The following VDR variants were observed in gnomAD, a reference collection of about 807,000 sequenced individuals.
VDR encodes vitamin D3 receptor.
A neutral mutation model predicts 39.7 loss-of-function variants in VDR; 19 were observed. The ratio of observed to expected loss-of-function variants is 0.48; its 90% CI spans 0.33 to 0.70. The LOEUF is 0.70. Among genes scored for constraint, VDR ranks in the 30% least tolerant of loss-of-function variants. VDR has a pLI of 0.02. For synonymous variants in VDR, 242 were observed against 215.8 expected, an observed-to-expected ratio of 1.12 and a Z score of -1.07; for missense variants, 442 against 570.5, an observed-to-expected ratio of 0.77 and a Z score of 2.29.
intron 2 of VDR, among the ~76,000 whole-genome samples, chr12:47,879,758 AT>A (rs1484307723): frequency 3.3e-5 from 5 of 151,886 alleles, no homozygotes; most frequent in East Asian, 1.9e-4. Context: ...ATTTCAAGAT[AT>A]TTCCCCCCCC....
At chr12:47,860,238 T>C (rs566528265) in intron 4 of VDR, among the ~76,000 whole-genome samples, 15 of 152,266 alleles carry the variant, frequency 9.9e-5, no homozygotes, top group African/African-American at 3.4e-4. Context: ...AGTGCTGGGA[T>C]TACAGGCGTG....
intron 1 of VDR, among the ~76,000 whole-genome samples, chr12:47,890,565 G>C (rs937059665): frequency 2.6e-5 from 4 of 152,138 alleles, no homozygotes; most frequent in Admixed American, 2.6e-4. Flanking sequence ...GCAGAGGACT[G>C]GCTCCTGGGG....
intron 3 of VDR, among the ~76,000 whole-genome samples, chr12:47,869,985 G>A (rs1233373636): frequency 2.0e-5 from 3 of 152,166 alleles, no homozygotes; most frequent in Non-Finnish European, 4.4e-5. Flanking sequence ...TATGAAGCCC[G>A]AGAACACTGA....
Position 47,844,351 on chromosome 12 carries a change from AGTGGGGGG to A in VDR, c.*387_*394del. ...TAGGCGCTGGACAAGCGGGGCCTGCAGTGGGGGGAGGTGCAGGTGTCTCTGTCCCTGAG... is the reference window on the plus strand; with the variant it reads ...TAGGCGCTGGACAAGCGGGGCCTGCAAGGTGCAGGTGTCTCTGTCCCTGAG... On this transcript the variant is annotated 3_prime_UTR_variant, in exon 10 of 10. Transcript: ENST00000549336. 2.9e-6 allele frequency: 1 copy of A among 349,346 alleles called. No homozygotes were observed. The highest frequency in any genetic ancestry group is 3.2e-5 in the South Asian group (1 of 31,460). 21.6% of individuals were successfully genotyped at this position (349,346 alleles called of 1,614,324 possible).
intron 7 of VDR, among the ~76,000 whole-genome samples, chr12:47,848,073 T>C (rs945124816): frequency 6.6e-6 from 1 of 152,194 alleles, no homozygotes; most frequent in African/African-American, 2.4e-5. Context: ...CTAATTTTTT[T>C]TTGTATTTTT....
intron 7 of VDR, among the ~76,000 whole-genome samples, chr12:47,855,339 A>T (rs1183110005): frequency 2.7e-5 from 4 of 146,434 alleles, no homozygotes; most frequent in South Asian, 2.2e-4. Context: ...AAAAAAAATA[A>T]AAATAAATAA....
At chr12:47,891,248 AG>A (rs1946363852) in intron 1 of VDR, among the ~76,000 whole-genome samples, 1 of 152,212 alleles carries the variant, frequency 6.6e-6, no homozygotes, top group African/African-American at 2.4e-5. Context: ...ATCTACAAAC[AG>A]GGACATGATA....
intron 1 of VDR, among the ~76,000 whole-genome samples, chr12:47,884,214 AG>A (rs1335700637): frequency 1.3e-4 from 20 of 152,324 alleles, no homozygotes; most frequent in African/African-American, 4.8e-4. Flanking sequence ...CAGAGGTCAG[AG>A]GTGACATCCA....
chr12:47,845,580 G>C (rs1945264297), intron 9 of VDR, among the ~76,000 whole-genome samples: 1 of 152,122 alleles, frequency 6.6e-6, no homozygotes, highest in Admixed American at 6.5e-5. Flanking sequence ...CTTCATGGGA[G>C]AGGAGCCTGT....
chr12:47,844,839 G>C lies in VDR; in HGVS notation c.1191C>G (p.His397Gln). The C allele has an allele frequency of 6.2e-7, 1 of 1,614,234 alleles. No individual in the cohort carries two copies. Residue 397 changes from histidine (H) to glutamine (Q), a missense_variant, in exon 10 of 10, where the codon CAC becomes CAG. By Grantham distance (24) the His-to-Gln change is conservative (BLOSUM62 0). This residue lies in a region of VDR where 173 missense variants were observed against 252.0 expected (regional missense o/e 0.69). Coordinates refer to ENST00000549336, the MANE Select transcript of VDR (RefSeq NM_000376.3). ...LADLRSLNEEHSKQYRCLSFQ... is the reference protein window; with the variant it reads ...LADLRSLNEEQSKQYRCLSFQ... Reference sequence around the variant, plus strand: ...AGGAGAGGCAGCGGTACTGCTTGGAGTGCTCCTCATTGAGGCTGCGCAGGT... The same window carrying C: ...AGGAGAGGCAGCGGTACTGCTTGGACTGCTCCTCATTGAGGCTGCGCAGGT...
intron 8 of VDR, 60 bp downstream of exon 8, chr12:47,846,597 G>C (rs754696378): frequency 3.6e-5 from 58 of 1,608,568 alleles, no homozygotes; most frequent in Non-Finnish European, 4.9e-5. Context: ...ACCCCAGGAC[G>C]GGTGGAGCCA....
chr12:47,881,104 G>GTATA lies in VDR; in HGVS notation c.-3+1586_-3+1589dup, dbSNP rs367879517. On this transcript the variant is annotated intron_variant, in intron 2 of 9. Coordinates refer to ENST00000549336, the MANE Select transcript of VDR (RefSeq NM_000376.3). The stretch of plus-strand genomic sequence containing the variant: ...AAATACAGTATATGTGTGTGTGTGT[G>GTATA]TATATATATATATATACACACACAT... Among the ~76,000 whole-genome samples, 608 of 106,314 alleles carry GTATA rather than the reference G, an allele frequency of 5.7e-3. 4 individuals carry two copies. The highest frequency in any genetic ancestry group is 0.016 in the African/African-American group (571 of 36,456). The allele number at this position is 106,314 out of a possible 152,430, so 69.7% of individuals were successfully genotyped here.
intron 4 of VDR, among the ~76,000 whole-genome samples, chr12:47,860,707 TC>T (rs1410979997): frequency 6.6e-6 from 1 of 152,120 alleles, no homozygotes; most frequent in African/African-American, 2.4e-5. Context: ...GCTTTGGAGT[TC>T]TTGGGCTGCT....
At chr12:47,887,614 A>G (rs1388071531) in intron 1 of VDR, among the ~76,000 whole-genome samples, 1 of 152,240 alleles carries the variant, frequency 6.6e-6, no homozygotes, top group Non-Finnish European at 1.5e-5. Context: ...GTGGTAGCAC[A>G]GACAGCGTCC....
At chr12:47,862,669 G>A (rs1945649428) in intron 4 of VDR, among the ~76,000 whole-genome samples, 1 of 152,224 alleles carries the variant, frequency 6.6e-6, no homozygotes, top group Admixed American at 6.5e-5. Context: ...TGGGCTTTTA[G>A]CTTTCTTCCT....
intron 3 of VDR, among the ~76,000 whole-genome samples, chr12:47,872,657 G>A (rs773760718): frequency 6.6e-6 from 1 of 152,160 alleles, no homozygotes; most frequent in Admixed American, 6.5e-5. Flanking sequence ...CTCTCTCAGA[G>A]CCCCTGGCCC....
rs77515870 is a variant in VDR, at chr12:47,892,179, C to A, written c.-83-9405G>T. On this transcript the variant is annotated intron_variant, in intron 1 of 9. Coordinates refer to ENST00000549336, the MANE Select transcript of VDR (RefSeq NM_000376.3). Reference sequence around the variant, plus strand: ...GAATCAGGGAAGGATCCCCAGGGTCCTCTGAGATGGGCAGGGCTGGGCTAA... The same window carrying A: ...GAATCAGGGAAGGATCCCCAGGGTCATCTGAGATGGGCAGGGCTGGGCTAA... Among the ~76,000 whole-genome samples the A allele has an allele frequency of 1.1e-3, 169 of 152,342 alleles. No individual in the cohort carries two copies. In the South Asian group the frequency reaches 0.017, roughly 16 times the overall value.
At chr12:47,882,553 G>A in intron 2 of VDR, 141 bp downstream of exon 2, 3 of 696,458 alleles carry the variant, frequency 4.3e-6, no homozygotes, top group Non-Finnish European at 2.4e-6. Flanking sequence ...TGCAGACTCT[G>A]CTGGCCCGGG....
intron 3 of VDR, among the ~76,000 whole-genome samples, chr12:47,866,462 G>A (rs1306991067): frequency 6.6e-6 from 1 of 152,242 alleles, no homozygotes; most frequent in Non-Finnish European, 1.5e-5. Context: ...GAGCCGCTAT[G>A]AGAAGTAAGG....
Sources: gnomAD v4.1 joint callset for allele counts (sites outside exome capture counted in the v4.1 genomes callset) on GRCh38, gnomAD v4.1.1 for gene constraint, gnomAD v4.1.1 regional missense constraint, MANE v1.5 for transcripts, NCBI Gene and HGNC (gene_info 2026-07-23, HGNC 2026-07-21) for gene names.